Variants in MACROD2 observed in about 807,000 individuals in gnomAD.
MACROD2 encodes the protein mono-ADP ribosylhydrolase 2.
MACROD2 carries 36 observed loss-of-function variants against 70.4 expected under a neutral mutation model. The observed-to-expected ratio is 0.51, with a 90% CI of 0.39 to 0.68. The LOEUF is 0.68. Among genes scored for constraint, MACROD2 ranks in the 30% least tolerant of loss-of-function variants. MACROD2 has a pLI of 0.00. For synonymous variants in MACROD2, 172 were observed against 178.8 expected (o/e 0.96, Z 0.30); for missense variants, 496 against 538.4 (o/e 0.92, Z 0.78).
chr20:14,198,130 G>T lies in MACROD2; in HGVS notation c.271+112402G>T, dbSNP rs575392049. On this transcript the variant is annotated intron_variant, in intron 3 of 17. Coordinates refer to ENST00000684519, the MANE Select transcript of MACROD2 (RefSeq NM_001351661.2). ...AGGCTGGAGGGCTGTGTGTTTGTGT[G>T]TGCGTGAGAGAGAGAGGGGAGAAGC... Among the ~76,000 whole-genome samples the T allele has an allele frequency of 1.3e-4, 20 of 152,154 alleles. No homozygotes were observed. The East Asian group carries it at 3.5e-3, about 26-fold the overall frequency.
At chr20:14,055,997 C>T (rs1286761204) in intron 2 of MACROD2, among the ~76,000 whole-genome samples, 1 of 152,016 alleles carries the variant, frequency 6.6e-6, no homozygotes, top group Non-Finnish European at 1.5e-5. Flanking sequence ...ACCGACATTT[C>T]TGTTGATTGA....
intron 5 of MACROD2, among the ~76,000 whole-genome samples, chr20:14,785,648 T>C (rs1179602638): frequency 6.6e-6 from 1 of 152,082 alleles, no homozygotes; most frequent in Non-Finnish European, 1.5e-5. Context: ...AACCCCAAAT[T>C]ACTGTGACTT....
intron 12 of MACROD2, among the ~76,000 whole-genome samples, chr20:15,947,734 A>C (rs1357853687): frequency 1.3e-5 from 2 of 152,212 alleles, no homozygotes; most frequent in African/African-American, 4.8e-5. Context: ...GTGTGTACAT[A>C]ACAGTTTCTA....
intron 3 of MACROD2, among the ~76,000 whole-genome samples, chr20:14,137,838 G>T (rs567966728): frequency 6.6e-6 from 1 of 152,094 alleles, no homozygotes; most frequent in Non-Finnish European, 1.5e-5. Context: ...AAGTGAAAAG[G>T]CAACCTATGG....
intron 6 of MACROD2, among the ~76,000 whole-genome samples, chr20:15,317,589 A>G (rs1252709044): frequency 6.6e-6 from 1 of 151,890 alleles, no homozygotes; most frequent in Non-Finnish European, 1.5e-5. Context: ...ATGGAGGCTG[A>G]AAAGATCCAA....
At chr20:14,125,204 A>C (rs997603694) in intron 3 of MACROD2, among the ~76,000 whole-genome samples, 3 of 152,144 alleles carry the variant, frequency 2.0e-5, no homozygotes, top group Non-Finnish European at 4.4e-5. Context: ...TCTGAGATGA[A>C]ATGTCTTGAA....
At chr20:15,563,936 C>T (rs1014823122) in intron 8 of MACROD2, among the ~76,000 whole-genome samples, 2 of 151,968 alleles carry the variant, frequency 1.3e-5, no homozygotes, top group Non-Finnish European at 2.9e-5. Flanking sequence ...TTCCTTTTTC[C>T]GTGTGTGTTA....
At chr20:14,488,826 G>A (rs1351635650) in intron 3 of MACROD2, among the ~76,000 whole-genome samples, 1 of 151,646 alleles carries the variant, frequency 6.6e-6, no homozygotes. Context: ...AGTTTTTTTT[G>A]CCCATGCTAC....
At chr20:14,887,862 TTA>T (rs1491295778) in intron 5 of MACROD2, among the ~76,000 whole-genome samples, 1 of 110,834 alleles carries the variant, frequency 9.0e-6, no homozygotes, top group Non-Finnish European at 2.0e-5. Flanking sequence ...AAGAAAAGCA[TTA>T]AAAAAAAAAA....
intron 4 of MACROD2, among the ~76,000 whole-genome samples, chr20:14,588,305 T>G (rs1030822821): frequency 3.9e-5 from 6 of 152,212 alleles, no homozygotes; most frequent in Non-Finnish European, 5.9e-5. Context: ...TGGCAAAAAG[T>G]TTAACAATTG....
At chr20:15,219,707 A>C (rs1301189499) in intron 5 of MACROD2, among the ~76,000 whole-genome samples, 1 of 152,186 alleles carries the variant, frequency 6.6e-6, no homozygotes, top group Non-Finnish European at 1.5e-5. Context: ...TCAATTTCAG[A>C]GAGAAATCAG....
intron 3 of MACROD2, among the ~76,000 whole-genome samples, chr20:14,093,774 G>A (rs2054185515): frequency 6.6e-6 from 1 of 152,044 alleles, no homozygotes; most frequent in Admixed American, 6.5e-5. Flanking sequence ...AGACAAGTAA[G>A]TAAACAGTTG....
chr20:15,929,744 AC>A (rs2065545535), intron 10 of MACROD2, among the ~76,000 whole-genome samples: 1 of 152,200 alleles, frequency 6.6e-6, no homozygotes, highest in Admixed American at 6.6e-5. Context: ...TTTTGCCCTT[AC>A]AAAACTCTCC....
chr20:14,596,118 C>T (rs1464267503), intron 4 of MACROD2, among the ~76,000 whole-genome samples: 1 of 151,624 alleles, frequency 6.6e-6, no homozygotes, highest in South Asian at 2.1e-4. Flanking sequence ...CGGAGTCGCC[C>T]TCTGTGGCCC....
At chr20:15,793,081 A>G (rs545813418) in intron 8 of MACROD2, among the ~76,000 whole-genome samples, 45 of 152,264 alleles carry the variant, frequency 3.0e-4, no homozygotes, top group African/African-American at 1.1e-3. Context: ...TAAAGTGACG[A>G]TCACTGTGTA....
intron 8 of MACROD2, among the ~76,000 whole-genome samples, chr20:15,831,751 T>C (rs573626025): frequency 4.6e-5 from 7 of 152,258 alleles, no homozygotes; most frequent in African/African-American, 1.7e-4. Context: ...ACCTGACTGT[T>C]GTGACCTAGT....
chr20:14,155,160 A>C (rs1222037294), intron 3 of MACROD2, among the ~76,000 whole-genome samples: 1 of 152,196 alleles, frequency 6.6e-6, no homozygotes, highest in African/African-American at 2.4e-5. Context: ...ATATACACAC[A>C]TATATATAAC....
At chr20:15,786,101 G>A (rs1264241075) in intron 8 of MACROD2, among the ~76,000 whole-genome samples, 1 of 150,156 alleles carries the variant, frequency 6.7e-6, no homozygotes, top group Non-Finnish European at 1.5e-5. Context: ...AACAAAAGGA[G>A]AATAAGATGG....
At chr20:14,984,113 C>T (rs977265771) in intron 5 of MACROD2, among the ~76,000 whole-genome samples, 2 of 152,186 alleles carry the variant, frequency 1.3e-5, no homozygotes, top group South Asian at 2.1e-4. Flanking sequence ...ATAGCCCACT[C>T]CTCTGATAAG....
Sources: gnomAD v4.1 joint callset for allele counts (sites outside exome capture counted in the v4.1 genomes callset) on GRCh38, gnomAD v4.1.1 for gene constraint, MANE v1.5 for transcripts, NCBI Gene and HGNC (gene_info 2026-07-23, HGNC 2026-07-21) for gene names.